The following CHSY3 variants were observed in gnomAD, a reference collection of about 807,000 sequenced individuals.
CHSY3 encodes the protein N-acetylgalactosaminyl-proteoglycan 3-beta-glucuronosyltransferase 3.
In CHSY3, 35 loss-of-function variants were observed where a neutral mutation model predicts 67.2. That is an observed-to-expected ratio of 0.52 (90% confidence interval 0.40 to 0.69). CHSY3 has a LOEUF of 0.69. Ranked by LOEUF, CHSY3 falls within the 30% of genes least tolerant of loss-of-function variation. The probability of loss-of-function intolerance (pLI) is 0.00; values close to 1 mark genes in which losing one functional copy is unlikely to be tolerated. For synonymous variants in CHSY3, 474 were observed against 434.7 expected, an observed-to-expected ratio of 1.09 and a Z score of -1.12; for missense variants, 1,069 against 1,138.5, an observed-to-expected ratio of 0.94 and a Z score of 0.88.
chr5:129,969,247 G>A (rs1762563906), intron 2 of CHSY3, among the ~76,000 whole-genome samples: 1 of 151,612 alleles, frequency 6.6e-6, no homozygotes, highest in East Asian at 1.9e-4. Context: ...ACATAGCTAG[G>A]GTTAAATAAG....
chr5:130,120,914 G>C (rs1443914784), intron 2 of CHSY3, among the ~76,000 whole-genome samples: 4 of 152,136 alleles, frequency 2.6e-5, no homozygotes, highest in Non-Finnish European at 5.9e-5. Context: ...ATGTGGGATG[G>C]ACCACCTTGA....
At chr5:130,021,173 T>C (rs1764378772) in intron 2 of CHSY3, among the ~76,000 whole-genome samples, 1 of 152,214 alleles carries the variant, frequency 6.6e-6, no homozygotes, top group Non-Finnish European at 1.5e-5. Flanking sequence ...ACCAGAATCT[T>C]GTCCTGATTC....
At chr5:129,972,707 C>G (rs1344317197) in intron 2 of CHSY3, among the ~76,000 whole-genome samples, 1 of 151,936 alleles carries the variant, frequency 6.6e-6, no homozygotes, top group Non-Finnish European at 1.5e-5. Flanking sequence ...CACCCACTCT[C>G]CTACTCACAA....
At chr5:130,072,634 G>T (rs891491092) in intron 2 of CHSY3, among the ~76,000 whole-genome samples, 5 of 151,966 alleles carry the variant, frequency 3.3e-5, no homozygotes, top group African/African-American at 1.2e-4. Flanking sequence ...AGATTGCTTT[G>T]GCTATTTGGG....
At chr5:129,966,671 T>C (rs1011275172) in intron 2 of CHSY3, among the ~76,000 whole-genome samples, 4 of 151,796 alleles carry the variant, frequency 2.6e-5, no homozygotes, top group African/African-American at 9.7e-5. Flanking sequence ...TTGGCAGATA[T>C]TCTTTACATG....
intron 1 of CHSY3, among the ~76,000 whole-genome samples, chr5:129,907,309 G>A (rs1033688818): frequency 7.2e-5 from 11 of 152,120 alleles, no homozygotes; most frequent in African/African-American, 2.7e-4. Context: ...AGATACACGG[G>A]GCAAGGCATG....
intron 2 of CHSY3, among the ~76,000 whole-genome samples, chr5:130,028,009 A>ATGGTATT (rs1167213057): frequency 1.3e-5 from 2 of 152,134 alleles, no homozygotes; most frequent in African/African-American, 4.8e-5. Context: ...GCTGGGTCAA[A>ATGGTATT]TGGTATTTCT....
Position 130,185,331 on chromosome 5 carries a change from G to T in CHSY3, c.2189G>T (p.Arg730Leu), listed in dbSNP as rs757691149. 5 of 1,608,002 alleles carry T rather than the reference G, an allele frequency of 3.1e-6. No individual in the cohort carries two copies. The highest frequency in any genetic ancestry group is 3.4e-6 in the Non-Finnish European group (4 of 1,174,598). The change falls in exon 3 of 3, where the codon CGA (arginine) becomes CTA (leucine). Residue 730 changes from arginine (R) to leucine (L), a missense_variant. Coordinates refer to ENST00000305031, the MANE Select transcript of CHSY3 (RefSeq NM_175856.5). ...ATCTTCAGAGAAGATTTTCTCCAAC[G>T]ATGTAGAGACAATACAATTCAGGGA... Reference protein sequence around the residue: ...DLIFREDFLQRCRDNTIQGQQ... With the variant: ...DLIFREDFLQLCRDNTIQGQQ...
At position 130,049,612 on chromosome 5, in the gene CHSY3, A is replaced by G. The variant is rs375432121; in HGVS notation, c.1087-134617A>G. Among the ~76,000 whole-genome samples the G allele has an allele frequency of 3.3e-5, 5 of 152,248 alleles. No individual in the cohort carries two copies. In the South Asian group the frequency reaches 8.3e-4, roughly 25 times the overall value. ...TCTAGTAACAAGATAAGCTCACTTA[A>G]CTGGCAAAGTATGAAGATAAAATTA... On this transcript the variant is annotated intron_variant, in intron 2 of 2. Transcript: ENST00000305031.
At chr5:130,034,729 G>A (rs780497977) in intron 2 of CHSY3, among the ~76,000 whole-genome samples, 21 of 152,144 alleles carry the variant, frequency 1.4e-4, no homozygotes, top group Non-Finnish European at 2.4e-4. Context: ...AAGACAGGGA[G>A]CACTGATGTG....
chr5:129,904,715 GC>G lies in CHSY3; in HGVS notation c.-113del, dbSNP rs1760164251. On this transcript the variant is annotated 5_prime_UTR_variant, in exon 1 of 3. Coordinates refer to ENST00000305031, the MANE Select transcript of CHSY3 (RefSeq NM_175856.5). ...TCCAGCCGGTGTCGGCGCCTAGGCGGCCGGCTGCGGCCGCGGCTGGGGGCGC... is the reference window on the plus strand; with the variant it reads ...TCCAGCCGGTGTCGGCGCCTAGGCGGCGGCTGCGGCCGCGGCTGGGGGCGC... 2 of 1,222,192 alleles carry G rather than the reference GC, an allele frequency of 1.6e-6. No homozygotes were observed. The highest frequency in any genetic ancestry group is 6.6e-5 in the East Asian group (2 of 30,466). 75.7% of individuals were successfully genotyped at this position (1,222,192 alleles called of 1,614,324 possible).
intron 2 of CHSY3, among the ~76,000 whole-genome samples, chr5:130,065,390 C>T (rs1455065063): frequency 6.6e-6 from 1 of 152,122 alleles, no homozygotes; most frequent in Non-Finnish European, 1.5e-5. Flanking sequence ...AAAAACGACT[C>T]ATGTAGGCCA....
intron 2 of CHSY3, among the ~76,000 whole-genome samples, chr5:130,169,962 CTTTT>C (rs1769854861): frequency 6.6e-6 from 1 of 151,842 alleles, no homozygotes; most frequent in African/African-American, 2.4e-5. Context: ...TACCATCTTT[CTTTT>C]ATTTTTAAAT....
chr5:129,948,087 T>G (rs1481886248), intron 2 of CHSY3, among the ~76,000 whole-genome samples: 3 of 152,222 alleles, frequency 2.0e-5, no homozygotes, highest in Non-Finnish European at 2.9e-5. Context: ...TGGTGTCTTC[T>G]GCTGTGCTGC....
chr5:130,115,549 A>C (rs1404816316), intron 2 of CHSY3, among the ~76,000 whole-genome samples: 2 of 152,094 alleles, frequency 1.3e-5, no homozygotes, highest in Non-Finnish European at 2.9e-5. Context: ...AGAATTTGAC[A>C]TTATACTGTC....
intron 2 of CHSY3, among the ~76,000 whole-genome samples, chr5:129,912,498 G>T (rs1227131663): frequency 6.6e-6 from 1 of 152,164 alleles, no homozygotes; most frequent in Non-Finnish European, 1.5e-5. Context: ...GGCCCAGGTG[G>T]TCTGGGGAAA....
intron 2 of CHSY3, among the ~76,000 whole-genome samples, chr5:130,091,147 C>CACAA (rs1491531313): frequency 9.5e-6 from 1 of 105,450 alleles, no homozygotes; most frequent in African/African-American, 5.1e-5. Context: ...CACACGCGCG[C>CACAA]ACACACACAC....
At chr5:130,013,529 C>T (rs1014254081) in intron 2 of CHSY3, among the ~76,000 whole-genome samples, 3 of 152,194 alleles carry the variant, frequency 2.0e-5, no homozygotes, top group Non-Finnish European at 4.4e-5. Context: ...TCTTTGTACC[C>T]TCAGACCCAA....
rs1554085944 is a variant in CHSY3 at position 130,143,804 on chromosome 5, ATGTG to A, written c.1087-40421_1087-40418del. Among the ~76,000 whole-genome samples the A allele has an allele frequency of 3.2e-3, 121 of 37,296 alleles. 1 individual carries two copies. The highest frequency in any genetic ancestry group is 4.6e-3 in the South Asian group (4 of 870). 24.5% of individuals were successfully genotyped at this position (37,296 alleles called of 152,430 possible). A position where few individuals can be genotyped will look rare whatever the true frequency, so the allele number is the denominator to read the frequency against. On this transcript the variant is annotated intron_variant, in intron 2 of 2. Transcript: ENST00000305031. Reference sequence around the variant, plus strand: ...TATGTGTATATATATATATATATATATGTGTGTATATATATATATATATATATAT... The same window carrying A: ...TATGTGTATATATATATATATATATATGTATATATATATATATATATATAT...
Sources: gnomAD v4.1 joint callset for allele counts (sites outside exome capture counted in the v4.1 genomes callset) on GRCh38, gnomAD v4.1.1 for gene constraint, MANE v1.5 for transcripts, NCBI Gene and HGNC (gene_info 2026-07-23, HGNC 2026-07-21) for gene names.